The following THNSL1 variants were observed in gnomAD, a reference collection of about 807,000 sequenced individuals.
THNSL1 encodes the protein threonine synthase like 1, also known as threonine synthase-like 1.
In THNSL1, 48 loss-of-function variants were observed where a neutral mutation model predicts 50.4. The observed-to-expected ratio is 0.95, with a 90% CI of 0.76 to 1.21. The LOEUF is 1.21. Ranked by LOEUF, THNSL1 falls within the 50% of genes most tolerant of loss-of-function variation. The pLI is 0.00. For synonymous variants in THNSL1, 309 were observed against 306.1 expected (o/e 1.01, Z -0.10); for missense variants, 896 against 871.7 (o/e 1.03, Z -0.35).
At position 25,025,545 on chromosome 10, in the gene THNSL1, T is replaced by G; in HGVS notation, c.*90T>G. On this transcript the variant is annotated 3_prime_UTR_variant, in exon 3 of 3. Transcript: ENST00000376356. ...TTGGAGTACAGTAGCATTTTGTCTT[T>G]TATGTAAATATCTCTATATCTGTTT... is the stretch of plus-strand genomic sequence containing the variant. 1.6e-6 allele frequency: 2 copies of G among 1,262,160 alleles called. No individual in the cohort carries two copies. Among genetic ancestry groups the G allele is most frequent in the Middle Eastern group, 2.2e-4 (1 of 4,508 alleles). The allele number at this position is 1,262,160 out of a possible 1,614,324, so 78.2% of individuals were successfully genotyped here.
the THNSL1 span, among the ~76,000 whole-genome samples, chr10:24,978,470 C>G: frequency 6.6e-6 from 1 of 151,368 alleles, no homozygotes; most frequent in Admixed American, 6.6e-5. Context: ...CTCTTTCCCT[C>G]TCTTTCTCTG....
chr10:25,015,791 T>G (rs906589564), upstream of THNSL1: 11 of 1,374,636 alleles, frequency 8.0e-6, no homozygotes, highest in Middle Eastern at 2.0e-4. Flanking sequence ...TTCCAGTATA[T>G]GTATGCTTAA....
the THNSL1 span, among the ~76,000 whole-genome samples, chr10:24,981,539 G>A: frequency 6.6e-6 from 1 of 152,150 alleles, no homozygotes; most frequent in Non-Finnish European, 1.5e-5. Flanking sequence ...TATGGGTGTG[G>A]GAAATTCTAT....
the THNSL1 span, among the ~76,000 whole-genome samples, chr10:24,977,938 C>T: frequency 6.6e-6 from 1 of 152,144 alleles, no homozygotes; most frequent in African/African-American, 2.4e-5. Flanking sequence ...AGTTTATGTT[C>T]TTGCTTCACA....
At chr10:25,012,449 A>C (rs1850468901), upstream of THNSL1, among the ~76,000 whole-genome samples, 1 of 152,194 alleles carries the variant, frequency 6.6e-6, no homozygotes, top group African/African-American at 2.4e-5. Context: ...AGCAGCCGGA[A>C]TGGGGGCTGT....
chr10:24,976,405 A>G, the THNSL1 span, among the ~76,000 whole-genome samples: 4 of 152,292 alleles, frequency 2.6e-5, 1 homozygote, highest in South Asian at 2.1e-4. Flanking sequence ...CAGGACTCAC[A>G]TGGTTGCAAT....
the THNSL1 span, among the ~76,000 whole-genome samples, chr10:24,970,031 A>G: frequency 6.6e-6 from 1 of 152,238 alleles, no homozygotes; most frequent in Admixed American, 6.5e-5. Flanking sequence ...AGCCCCATTC[A>G]TGGTTCTCAT....
chr10:25,008,116 A>C, the THNSL1 span, among the ~76,000 whole-genome samples: 1 of 151,772 alleles, frequency 6.6e-6, no homozygotes, highest in African/African-American at 2.4e-5. Context: ...CCAGATGAAA[A>C]ATACATTCTA....
chr10:25,010,615 C>CTG, the THNSL1 span, among the ~76,000 whole-genome samples: 692 of 149,506 alleles, frequency 4.6e-3, 2 homozygotes, highest in Middle Eastern at 0.048. Flanking sequence ...CCACAACAGT[C>CTG]CCCAGAGTGT....
At chr10:24,968,049 G>A in the THNSL1 span, among the ~76,000 whole-genome samples, 1 of 150,900 alleles carries the variant, frequency 6.6e-6, no homozygotes, top group African/African-American at 2.4e-5. Context: ...GCTGCTGGTA[G>A]TCCTGGCCAC....
chr10:24,959,844 T>C, the THNSL1 span, among the ~76,000 whole-genome samples: 1 of 152,244 alleles, frequency 6.6e-6, no homozygotes, highest in African/African-American at 2.4e-5. Flanking sequence ...ATTTTATATA[T>C]AACACTGTTT....
chr10:24,974,331 T>G, the THNSL1 span, among the ~76,000 whole-genome samples: 1 of 152,160 alleles, frequency 6.6e-6, no homozygotes, highest in Non-Finnish European at 1.5e-5. Flanking sequence ...TGTAAGAAAA[T>G]TAGCCCCAAT....
the THNSL1 span, among the ~76,000 whole-genome samples, chr10:24,969,181 A>C: frequency 6.6e-6 from 1 of 152,174 alleles, no homozygotes; most frequent in East Asian, 1.9e-4. Flanking sequence ...GGAATGAGCC[A>C]CCGCGCCCGG....
chr10:24,963,665 A>G, the THNSL1 span, among the ~76,000 whole-genome samples: 2 of 152,240 alleles, frequency 1.3e-5, no homozygotes, highest in Non-Finnish European at 2.9e-5. Flanking sequence ...AAAGACAAAT[A>G]AAAAGAAAAA....
At chr10:24,992,648 C>G in the THNSL1 span, among the ~76,000 whole-genome samples, 1 of 152,176 alleles carries the variant, frequency 6.6e-6, no homozygotes, top group African/African-American at 2.4e-5. Context: ...AGAAGCAGAG[C>G]CTGTAACAAC....
rs1850852605 is a variant in THNSL1 at position 25,026,385 on chromosome 10, C to CT, written c.*931dup. ...ACTTAGAAGTGAATACAGAAATGAT[C>CT]TATTTCAAGAGGAAGGTTTTCCAAA... On this transcript the variant is annotated 3_prime_UTR_variant, in exon 3 of 3. Coordinates refer to ENST00000376356, the MANE Select transcript of THNSL1 (RefSeq NM_024838.5). 1.8e-5 allele frequency: 3 copies of CT among 166,940 alleles called. No individual in the cohort carries two copies. The highest frequency in any genetic ancestry group is 4.1e-4 in the South Asian group (2 of 4,828). The allele number at this position is 166,940 out of a possible 1,614,324, so 10.3% of individuals were successfully genotyped here. A position where few individuals can be genotyped will look rare whatever the true frequency, so the allele number is the denominator to read the frequency against.
the THNSL1 span, among the ~76,000 whole-genome samples, chr10:24,985,326 C>T: frequency 6.6e-6 from 1 of 152,182 alleles, no homozygotes; most frequent in Admixed American, 6.5e-5. Flanking sequence ...CATTCTTCAA[C>T]AGACAAATCA....
chr10:25,021,981 AAGTC>A (rs1262482345), intron 2 of THNSL1, 73 bp downstream of exon 2: 4 of 152,188 alleles, frequency 2.6e-5, no homozygotes, highest in Non-Finnish European at 5.9e-5. Context: ...GTAGCATAGA[AAGTC>A]AGTATTACAT....
upstream of THNSL1, among the ~76,000 whole-genome samples, chr10:25,013,757 C>G (rs574072810): frequency 1.3e-5 from 2 of 151,884 alleles, no homozygotes; most frequent in African/African-American, 4.8e-5. Flanking sequence ...AGCCTGGCCA[C>G]CATGGTGAAA....
Sources: allele counts gnomAD v4.1 joint callset (sites outside exome capture counted in the v4.1 genomes callset), GRCh38; gene constraint gnomAD v4.1.1; transcripts MANE v1.5; gene names NCBI Gene and HGNC (gene_info 2026-07-23, HGNC 2026-07-21).